CDH12: variants seen among roughly 807,000 people sequenced by gnomAD.
CDH12 encodes the protein cadherin-12.
CDH12 carries 41 observed loss-of-function variants against 74.1 expected under a neutral mutation model. The observed-to-expected ratio is 0.55, with a 90% confidence interval of 0.43 to 0.72. CDH12 has a LOEUF of 0.72. Among genes scored for constraint, CDH12 ranks in the 30% least tolerant of loss-of-function variants. The probability of loss-of-function intolerance (pLI) is 0.00; values close to 1 mark genes in which losing one functional copy is unlikely to be tolerated. For missense variants in CDH12, 945 were observed against 977.2 expected (o/e 0.97, Z 0.44); for synonymous variants, 399 against 355.0 (o/e 1.12, Z -1.39).
At chr5:21,790,983 T>C (rs1203961484) in intron 10 of CDH12, among the ~76,000 whole-genome samples, 2 of 152,076 alleles carry the variant, frequency 1.3e-5, no homozygotes, top group East Asian at 3.9e-4. Flanking sequence ...ATCTATTTTT[T>C]ATCTCTGTCA....
At chr5:21,925,968 T>A (rs1016380939) in intron 6 of CDH12, among the ~76,000 whole-genome samples, 8 of 151,980 alleles carry the variant, frequency 5.3e-5, no homozygotes, top group African/African-American at 1.9e-4. Flanking sequence ...ATTTCTGGCA[T>A]CTTGTGGGGG....
At chr5:21,923,181 G>A (rs140214075) in intron 6 of CDH12, among the ~76,000 whole-genome samples, 340 of 152,036 alleles carry the variant, frequency 2.2e-3, no homozygotes, top group Non-Finnish European at 3.5e-3. Context: ...GCTAAGTTAC[G>A]TTATGTGAAT....
At chr5:22,379,200 T>A (rs1007611921) in intron 3 of CDH12, among the ~76,000 whole-genome samples, 7 of 152,116 alleles carry the variant, frequency 4.6e-5, no homozygotes, top group African/African-American at 1.7e-4. Flanking sequence ...ACTGCCAAGA[T>A]GTTGCAAGAT....
intron 1 of CDH12, among the ~76,000 whole-genome samples, chr5:22,521,221 C>A (rs1453943752): frequency 6.6e-6 from 1 of 151,632 alleles, no homozygotes; most frequent in East Asian, 1.9e-4. Context: ...TAAGCATAAT[C>A]CTTAATCGAA....
intron 4 of CDH12, among the ~76,000 whole-genome samples, chr5:22,208,093 C>A (rs1353332705): frequency 6.6e-6 from 1 of 152,062 alleles, no homozygotes; most frequent in Non-Finnish European, 1.5e-5. Flanking sequence ...AGAAAATGCC[C>A]TCAGCTGGAT....
chr5:22,566,241 C>CTTTTTTTTTTT, intron 1 of CDH12, among the ~76,000 whole-genome samples: 1 of 141,992 alleles, frequency 7.0e-6, no homozygotes, highest in African/African-American at 2.6e-5. Flanking sequence ...TTTTTTCTTT[C>CTTTTTTTTTTT]TTTTTTTTTT....
intron 5 of CDH12, among the ~76,000 whole-genome samples, chr5:22,030,983 C>T (rs1258135728): frequency 6.6e-6 from 1 of 152,102 alleles, no homozygotes; most frequent in Non-Finnish European, 1.5e-5. Context: ...TCATCTCTCT[C>T]AGCCTTCACA....
At chr5:22,107,179 C>G (rs2150256107) in intron 4 of CDH12, among the ~76,000 whole-genome samples, 1 of 150,910 alleles carries the variant, frequency 6.6e-6, no homozygotes, top group Non-Finnish European at 1.5e-5. Flanking sequence ...GTTGCCCAGG[C>G]TAGAGTGCAA....
In CDH12 at chr5:21,882,535, G is replaced by C; in HGVS notation, c.527-27745C>G. The C allele has an allele frequency of 5.9e-6, 6 of 1,009,076 alleles. No homozygotes were observed. The South Asian group carries it at 7.7e-5, about 13-fold the overall frequency. The allele number at this position is 1,009,076 out of a possible 1,614,324, so 62.5% of individuals were successfully genotyped here. ...TATATTAGCACTCTGTCCCTCACTC[G>C]CCGCCGACAACCTGTCTCGCCGCGC... is the stretch of plus-strand genomic sequence containing the variant. On this transcript the variant is annotated intron_variant, in intron 6 of 14. Transcript: ENST00000382254.
intron 2 of CDH12, among the ~76,000 whole-genome samples, chr5:22,492,350 GTTT>G (rs1554044895): frequency 6.7e-6 from 1 of 148,438 alleles, no homozygotes; most frequent in Admixed American, 6.7e-5. Flanking sequence ...TACTAAAAAT[GTTT>G]TTTTTTTTTT....
chr5:22,396,972 C>T (rs1742487192), intron 3 of CDH12, among the ~76,000 whole-genome samples: 1 of 152,014 alleles, frequency 6.6e-6, no homozygotes, highest in Non-Finnish European at 1.5e-5. Context: ...ATACTCATTG[C>T]TTTTCTCTCT....
rs770234306 is a variant in CDH12, at chr5:22,465,064, AAGAGAG to A, written c.-428+40200_-428+40205del. Among the ~76,000 whole-genome samples, 239 of 134,658 alleles carry A rather than the reference AAGAGAG, an allele frequency of 1.8e-3. 1 individual carries two copies. Among genetic ancestry groups the A allele is most frequent in the Non-Finnish European group, 3.0e-3 (187 of 62,088 alleles). 88.3% of individuals were successfully genotyped at this position (134,658 alleles called of 152,430 possible). A position where few individuals can be genotyped will look rare whatever the true frequency, so the allele number is the denominator to read the frequency against. ...GGGAAGGGAGGAAGGGAGGGGGGGAAAGAGAGAGAGAGAGAACTCTGATTTGGAAAA... is the reference window on the plus strand; with the variant it reads ...GGGAAGGGAGGAAGGGAGGGGGGGAAAGAGAGAGAACTCTGATTTGGAAAA... On this transcript the variant is annotated intron_variant, in intron 2 of 14. Transcript: ENST00000382254.
chr5:22,374,878 C>T (rs1489191617), intron 3 of CDH12, among the ~76,000 whole-genome samples: 1 of 151,764 alleles, frequency 6.6e-6, no homozygotes, highest in Non-Finnish European at 1.5e-5. Flanking sequence ...AATGATAATC[C>T]TGCTCAAAGC....
At chr5:21,880,587 CCTT>C (rs1579895427) in intron 6 of CDH12, among the ~76,000 whole-genome samples, 1 of 51,922 alleles carries the variant, frequency 1.9e-5, no homozygotes, top group African/African-American at 7.1e-5. Context: ...TTCCTTCCTT[CCTT>C]CCTTCCTTCC....
intron 1 of CDH12, among the ~76,000 whole-genome samples, chr5:22,705,141 AC>A (rs1742931501): frequency 6.9e-6 from 1 of 145,374 alleles, no homozygotes; most frequent in African/African-American, 2.6e-5. Context: ...ACACACACAC[AC>A]ACACACACAC....
Position 21,999,806 on chromosome 5 carries a change from A to G in CDH12, c.232-24421T>C, listed in dbSNP as rs867949793. On this transcript the variant is annotated intron_variant, in intron 5 of 14. Transcript: ENST00000382254. ...CTAGGTGGATATAATGTAGAATATCACTTAAATGCATAGACTTTAAAATCA... is the reference window on the plus strand; with the variant it reads ...CTAGGTGGATATAATGTAGAATATCGCTTAAATGCATAGACTTTAAAATCA... 2.1e-4 allele frequency among the ~76,000 whole-genome samples: 32 copies of G among 151,442 alleles called. 1 individual carries two copies. The highest frequency in any genetic ancestry group is 6.6e-4 in the African/African-American group (27 of 41,152).
intron 6 of CDH12, among the ~76,000 whole-genome samples, chr5:21,943,507 A>G (rs1755433588): frequency 6.6e-6 from 1 of 152,142 alleles, no homozygotes; most frequent in African/African-American, 2.4e-5. Context: ...AATCAATTAA[A>G]CTTTTGCTTA....
At position 22,523,981 on chromosome 5, in the gene CDH12, A is replaced by ATT. The variant is rs761099580; in HGVS notation, c.-522-18619_-522-18618dup. Among the ~76,000 whole-genome samples the ATT allele has an allele frequency of 3.0e-3, 421 of 142,222 alleles. 1 individual carries two copies. The highest frequency in any genetic ancestry group is 4.8e-3 in the South Asian group (22 of 4,560). The allele number at this position is 142,222 out of a possible 152,430, so 93.3% of individuals were successfully genotyped here. A position where few individuals can be genotyped will look rare whatever the true frequency, so the allele number is the denominator to read the frequency against. On this transcript the variant is annotated intron_variant, in intron 1 of 14. Transcript: ENST00000382254. ...TATGCTTCATTCATTTATTATTATT[A>ATT]TTTTTTTTTTTTTTTTTTGAGACAA...
chr5:22,059,772 AT>A (rs1741057875), intron 5 of CDH12, among the ~76,000 whole-genome samples: 4 of 152,310 alleles, frequency 2.6e-5, no homozygotes, highest in Non-Finnish European at 4.4e-5. Context: ...GTTTAAAAAA[AT>A]AATTCTGTAT....
Sources: allele counts gnomAD v4.1 joint callset (sites outside exome capture counted in the v4.1 genomes callset), GRCh38; gene constraint gnomAD v4.1.1; transcripts MANE v1.5; gene names NCBI Gene and HGNC (gene_info 2026-07-23, HGNC 2026-07-21).